ATP9A: variants seen among roughly 807,000 people sequenced by gnomAD.
The protein encoded by ATP9A is ATPase phospholipid transporting 9A, also known as probable phospholipid-transporting ATPase IIA.
ATP9A carries 52 observed loss-of-function variants against 144.1 expected under a neutral mutation model. The observed-to-expected ratio is 0.36, with a 90% CI of 0.29 to 0.45. The LOEUF is 0.45. Ranked by LOEUF, ATP9A falls within the 20% of genes least tolerant of loss-of-function variation. The pLI, the probability that ATP9A is intolerant of heterozygous loss-of-function variation, is 1.00. For synonymous variants in ATP9A, 582 were observed against 557.4 expected (o/e 1.04, Z -0.62); for missense variants, 947 against 1,392.7 (o/e 0.68, Z 5.09).
In ATP9A at chr20:51,611,299, G is replaced by A. The variant is rs553576840; in HGVS notation, c.2572-1134C>T. Reference sequence around the variant, plus strand: ...CCATGGCCACAGGAAGCCCCAGTTCGCCCTGGCTGCGCCGGAAAAGCCACT... The same window carrying A: ...CCATGGCCACAGGAAGCCCCAGTTCACCCTGGCTGCGCCGGAAAAGCCACT... On this transcript the variant is annotated intron_variant, in intron 23 of 27. Coordinates refer to ENST00000338821, the MANE Select transcript of ATP9A (RefSeq NM_006045.3). The surrounding 1 kb of genome is among the most constrained non-coding windows in gnomAD (Gnocchi z 4.2). 7.2e-5 allele frequency among the ~76,000 whole-genome samples: 11 copies of A among 152,326 alleles called. No homozygotes were observed. Among genetic ancestry groups the A allele is most frequent in the African/African-American group, 1.9e-4 (8 of 41,578 alleles).
At chr20:51,625,437 G>A in intron 17 of ATP9A, 75 bp from the exon 18 acceptor site, 1 of 1,511,774 alleles carries the variant, frequency 6.6e-7, no homozygotes, top group Non-Finnish European at 8.9e-7. Flanking sequence ...GCCAAGAGTG[G>A]AAGGGCCACA....
At chr20:51,671,386 A>C (rs2255358) in intron 11 of ATP9A, 129 bp from the exon 12 acceptor site, 1 of 1,065,956 alleles carries the variant, frequency 9.4e-7, no homozygotes, top group Non-Finnish European at 1.3e-6. Context: ...GCACACTGCC[A>C]GAGCTGAACG....
intron 1 of ATP9A, among the ~76,000 whole-genome samples, chr20:51,730,888 G>T (rs2077738026): frequency 6.6e-6 from 1 of 152,202 alleles, no homozygotes; most frequent in Non-Finnish European, 1.5e-5. Context: ...GTAAGATTCG[G>T]CCAGCCATGG....
chr20:51,649,163 C>T (rs6067871), intron 14 of ATP9A, among the ~76,000 whole-genome samples: 37,886 of 151,948 alleles, frequency 0.25, 5,166 homozygotes, highest in Non-Finnish European at 0.3. Context: ...CCCTGTTTGG[C>T]TAAAAATAGC....
chr20:51,763,559 C>T (rs1373199991), intron 1 of ATP9A, among the ~76,000 whole-genome samples: 1 of 151,752 alleles, frequency 6.6e-6, no homozygotes, highest in Admixed American at 6.6e-5. Context: ...CTGATCCGCC[C>T]ACCTTGGCCT....
At chr20:51,644,562 G>A (rs1004153021) in intron 14 of ATP9A, among the ~76,000 whole-genome samples, 1 of 151,864 alleles carries the variant, frequency 6.6e-6, no homozygotes, top group African/African-American at 2.4e-5. Flanking sequence ...GGGCCATGGC[G>A]CCCGGCCACT....
At chr20:51,687,237 G>T (rs879620019) in intron 9 of ATP9A, among the ~76,000 whole-genome samples, 29 of 152,170 alleles carry the variant, frequency 1.9e-4, no homozygotes, top group South Asian at 1.2e-3. Context: ...AGAATTTCTC[G>T]CTCTTTAGTC....
At chr20:51,749,944 C>G (rs926078792) in intron 1 of ATP9A, among the ~76,000 whole-genome samples, 1 of 151,952 alleles carries the variant, frequency 6.6e-6, no homozygotes, top group African/African-American at 2.4e-5. Flanking sequence ...AGTTTGAGAC[C>G]AGCCTGGGCA....
At chr20:51,743,452 T>A (rs1489504568) in intron 1 of ATP9A, among the ~76,000 whole-genome samples, 1 of 125,716 alleles carries the variant, frequency 8.0e-6, no homozygotes, top group Non-Finnish European at 1.6e-5. Flanking sequence ...CAGGCTGGAG[T>A]GCAGTGGCGG....
intron 1 of ATP9A, among the ~76,000 whole-genome samples, chr20:51,745,192 G>A (rs148557443): frequency 0.016 from 2,398 of 150,444 alleles, 41 homozygotes; most frequent in Middle Eastern, 0.049. Flanking sequence ...GCTTGAACCC[G>A]AGAGGCAGAG....
At chr20:51,688,308 A>G (rs920148750) in intron 9 of ATP9A, among the ~76,000 whole-genome samples, 3 of 152,140 alleles carry the variant, frequency 2.0e-5, no homozygotes, top group South Asian at 2.1e-4. Context: ...AAAGACACCA[A>G]TGGGCCAGGT....
intron 14 of ATP9A, among the ~76,000 whole-genome samples, chr20:51,651,246 T>C (rs1454929712): frequency 7.9e-6 from 1 of 126,232 alleles, no homozygotes; most frequent in Non-Finnish European, 1.7e-5. Flanking sequence ...ACATAATATA[T>C]ATTTACATAA....
At chr20:51,637,137 A>ACTG (rs2077295612) in intron 15 of ATP9A, among the ~76,000 whole-genome samples, 1 of 151,834 alleles carries the variant, frequency 6.6e-6, no homozygotes, top group African/African-American at 2.4e-5. Context: ...TCTTCTTACT[A>ACTG]CTGCTGCTGC....
At chr20:51,627,799 T>C (rs566429214) in intron 16 of ATP9A, 116 bp from the exon 17 acceptor site, 502 of 845,322 alleles carry the variant, frequency 5.9e-4, no homozygotes, top group Non-Finnish European at 6.3e-4. Context: ...AAATGGCAAA[T>C]CAGAAAGTTG....
At chr20:51,663,233 A>T (rs532551048) in intron 13 of ATP9A, among the ~76,000 whole-genome samples, 1 of 152,208 alleles carries the variant, frequency 6.6e-6, no homozygotes, top group Non-Finnish European at 1.5e-5. Flanking sequence ...CTCATTGAAA[A>T]GAAAACAGAG....
chr20:51,674,767 G>A (rs1178935110), intron 10 of ATP9A, among the ~76,000 whole-genome samples: 1 of 152,046 alleles, frequency 6.6e-6, no homozygotes, highest in Non-Finnish European at 1.5e-5. Flanking sequence ...TGAAAGTCTG[G>A]GGCGCACACC....
At chr20:51,768,068 A>G (rs1269934544) in intron 1 of ATP9A, among the ~76,000 whole-genome samples, 1 of 152,036 alleles carries the variant, frequency 6.6e-6, no homozygotes, top group Non-Finnish European at 1.5e-5. Flanking sequence ...GAAGGTGGGC[A>G]AGGAGGCCCA....
intron 14 of ATP9A, among the ~76,000 whole-genome samples, chr20:51,653,857 CAAATA>C (rs903298433): frequency 6.6e-6 from 1 of 151,926 alleles, no homozygotes; most frequent in African/African-American, 2.4e-5. Flanking sequence ...GTCAGGAGCT[CAAATA>C]AAATAAAATA....
chr20:51,762,641 A>AAGAGCGAGACCCTGTCTAAAAAC (rs2077885886), intron 1 of ATP9A, among the ~76,000 whole-genome samples: 1 of 151,112 alleles, frequency 6.6e-6, no homozygotes, highest in Admixed American at 6.6e-5. Flanking sequence ...CCTGGGTGAC[A>AAGAGCGAGACCCTGTCTAAAAAC]AGAGCGAGAC....
Sources: allele counts gnomAD v4.1 joint callset (sites outside exome capture counted in the v4.1 genomes callset), GRCh38; gene constraint gnomAD v4.1.1; non-coding constraint Gnocchi (gnomAD v3.1); transcripts MANE v1.5; gene names NCBI Gene and HGNC (gene_info 2026-07-23, HGNC 2026-07-21).